RNASE11: variants seen among roughly 807,000 people sequenced by gnomAD.
The protein encoded by RNASE11 is ribonuclease A family member 11 (inactive), also known as putative inactive ribonuclease 11.
For synonymous variants in RNASE11, 105 were observed against 86.1 expected (o/e 1.22, Z -1.21); for missense variants, 252 against 237.8 (o/e 1.06, Z -0.39).
chr14:20,584,592 T>C, intron 1 of RNASE11, 96 bp from the exon 3 acceptor site: 2 of 1,011,622 alleles, frequency 2.0e-6, no homozygotes, highest in Non-Finnish European at 2.8e-6. Context: ...GACCCCTACA[T>C]GTAGGTTAAA....
In RNASE11 at chr14:20,587,591, C is replaced by A. The variant is rs183776299; in HGVS notation, c.-51G>T. 70 of 985,350 alleles carry A rather than the reference C, an allele frequency of 7.1e-5. 1 individual carries two copies. The East Asian group carries it at 7.6e-3, about 107-fold the overall frequency. 61.0% of individuals were successfully genotyped at this position (985,350 alleles called of 1,614,324 possible). A position where few individuals can be genotyped will look rare whatever the true frequency, so the allele number is the denominator to read the frequency against. ...TTCCTGTTCAGTTTCTATTCAGATG[C>A]TGAGGGCTCTGTTTACCTGGTGACA... On this transcript the variant is annotated 5_prime_UTR_variant, in exon 1 of 2. Coordinates refer to ENST00000553849, the Ensembl canonical transcript of RNASE11.
chr14:20,583,780 G>T (rs45444492), exon 2 of RNASE11: 12 of 1,324,700 alleles, frequency 9.1e-6, no homozygotes, highest in Non-Finnish European at 1.2e-5. Context: ...GTTCACTATA[G>T]TGCTAAAGAG....
intron 1 of RNASE11, among the ~76,000 whole-genome samples, chr14:20,586,497 A>T (rs945085168): frequency 6.6e-6 from 1 of 152,256 alleles, no homozygotes; most frequent in Non-Finnish European, 1.5e-5. Context: ...GGAAAAACCT[A>T]GCACCAAGAA....
Position 20,583,689 on chromosome 14 carries a change from G to A in RNASE11, c.*186C>T, listed in dbSNP as rs540060613. ...GAGATAGAGAGAGAAGAATCTGCACGCCAGTATCAGTCATAACTTTTAATT... is the reference window on the plus strand; with the variant it reads ...GAGATAGAGAGAGAAGAATCTGCACACCAGTATCAGTCATAACTTTTAATT... On this transcript the variant is annotated 3_prime_UTR_variant, in exon 2 of 2. Transcript: ENST00000553849. The A allele has an allele frequency of 2.5e-4, 75 of 299,792 alleles. 1 individual carries two copies. Among genetic ancestry groups the A allele is most frequent in the South Asian group, 2.4e-3 (60 of 25,084 alleles). The allele number at this position is 299,792 out of a possible 1,614,324, so 18.6% of individuals were successfully genotyped here.
chr14:20,587,721 T>C (rs1218818469), exon 1 of RNASE11: 2 of 985,442 alleles, frequency 2.0e-6, no homozygotes, highest in Middle Eastern at 5.2e-4. Context: ...AGCCATGAGA[T>C]GAGTAAGCGT....
At chr14:20,583,908 C>T in exon 2 of RNASE11, 4 of 1,613,198 alleles carry the variant, frequency 2.5e-6, no homozygotes, top group Non-Finnish European at 3.4e-6. Context: ...ACCAGCTCAT[C>T]AGAGAATGAC....
At chr14:20,587,849 C>T (rs1566563154), upstream of RNASE11, 39 of 985,240 alleles carry the variant, frequency 4.0e-5, no homozygotes, top group Middle Eastern at 1.0e-3. Context: ...TAACAACTAG[C>T]GTAAGTGCAC....
exon 2 of RNASE11, chr14:20,584,364 A>G (rs1884386124): frequency 1.9e-6 from 3 of 1,614,156 alleles, no homozygotes; most frequent in Non-Finnish European, 2.5e-6. Flanking sequence ...TTGCCATGTC[A>G]TATTGCATCT....
chr14:20,586,505 G>T (rs1447618520), intron 1 of RNASE11, among the ~76,000 whole-genome samples: 1 of 152,138 alleles, frequency 6.6e-6, no homozygotes, highest in Non-Finnish European at 1.5e-5. Flanking sequence ...CTAGCACCAA[G>T]AATACATAAG....
At chr14:20,585,297 TTC>T (rs993255140) in intron 1 of RNASE11, among the ~76,000 whole-genome samples, 4 of 152,194 alleles carry the variant, frequency 2.6e-5, no homozygotes, top group Admixed American at 2.6e-4. Context: ...GTGAAATATT[TTC>T]TGTCTATTTA....
At chr14:20,587,608 C>T (rs866397098) in exon 1 of RNASE11, 1 of 985,222 alleles carries the variant, frequency 1.0e-6, no homozygotes, top group African/African-American at 1.7e-5. Context: ...CTCTGTTTAC[C>T]TGGTGACACC....
exon 2 of RNASE11, chr14:20,583,929 T>C (rs1453948089): frequency 6.2e-7 from 1 of 1,614,078 alleles, no homozygotes; most frequent in East Asian, 2.2e-5. Context: ...CTGTCAGCAC[T>C]GTCAATATCT....
chr14:20,590,149 A>C, upstream of RNASE11: 1 of 1,469,950 alleles, frequency 6.8e-7, no homozygotes, highest in Non-Finnish European at 9.0e-7. Context: ...CAGGAAGGAT[A>C]AATTAATTAC....
exon 2 of RNASE11, chr14:20,584,015 C>T (rs1425983033): frequency 6.2e-7 from 1 of 1,614,164 alleles, no homozygotes; most frequent in Non-Finnish European, 8.5e-7. Context: ...ACTGTATTTT[C>T]CAGTTCTAGG....
upstream of RNASE11, chr14:20,590,144 A>C: frequency 1.2e-5 from 17 of 1,449,662 alleles, no homozygotes; most frequent in South Asian, 2.1e-4. Context: ...CAATACAGGA[A>C]GGATAAATTA....
intron 1 of RNASE11, among the ~76,000 whole-genome samples, chr14:20,584,754 T>G (rs1884399313): frequency 6.6e-6 from 1 of 152,200 alleles, no homozygotes; most frequent in South Asian, 2.1e-4. Context: ...TTGTGAGAAT[T>G]ACGTAAGGTG....
chr14:20,585,653 G>A (rs1407049109), intron 1 of RNASE11, among the ~76,000 whole-genome samples: 2 of 152,272 alleles, frequency 1.3e-5, no homozygotes, highest in African/African-American at 4.8e-5. Flanking sequence ...AGATGTTAAG[G>A]AAACAGGAAG....
At chr14:20,590,043 A>G, upstream of RNASE11, 1 of 726,988 alleles carries the variant, frequency 1.4e-6, no homozygotes, top group Non-Finnish European at 2.1e-6. Context: ...ACCTAGAGAT[A>G]AGGGACAAAA....
chr14:20,588,994 C>A (rs563221274), upstream of RNASE11, among the ~76,000 whole-genome samples: 1 of 152,040 alleles, frequency 6.6e-6, no homozygotes, highest in Non-Finnish European at 1.5e-5. Flanking sequence ...ACCATGTTGG[C>A]CAGGCTGATC....
Sources: allele counts gnomAD v4.1 joint callset (sites outside exome capture counted in the v4.1 genomes callset), GRCh38; gene constraint gnomAD v4.1.1; transcripts MANE v1.5; gene names NCBI Gene and HGNC (gene_info 2026-07-23, HGNC 2026-07-21).